Variants in SYNJ2 observed in about 807,000 individuals in gnomAD.
SYNJ2 encodes the protein polyphosphatidylinositol phosphatase SYNJ2.
A neutral mutation model predicts 141.3 loss-of-function variants in SYNJ2; 116 were observed. The ratio of observed to expected loss-of-function variants is 0.82; its 90% CI spans 0.71 to 0.96. The LOEUF is 0.96. Ranked by LOEUF, SYNJ2 falls within the 40% of genes least tolerant of loss-of-function variation. SYNJ2 has a pLI of 0.00. For missense variants in SYNJ2, 1,873 were observed against 1,934.8 expected, an observed-to-expected ratio of 0.97 and a Z score of 0.60; for synonymous variants, 745 against 777.7, an observed-to-expected ratio of 0.96 and a Z score of 0.70.
At position 158,083,485 on chromosome 6, in the gene SYNJ2, G is replaced by A; in HGVS notation, c.2922G>A (p.Leu974=). 1 of 1,614,200 alleles carries A rather than the reference G, an allele frequency of 6.2e-7. No homozygotes were observed. Among genetic ancestry groups the A allele is most frequent in the South Asian group, 1.1e-5 (1 of 91,076 alleles). Residue 974 remains leucine (L), a synonymous_variant, in exon 21 of 27, where the codon TTG becomes TTA. Coordinates refer to ENST00000355585, the MANE Select transcript of SYNJ2 (RefSeq NM_003898.4). The part of the protein sequence containing the change: ...RPKTKDWLKG[L]REEIIRKRDS... The stretch of plus-strand genomic sequence containing the variant: ...AGACCAAGGACTGGCTGAAAGGTTT[G>A]CGAGAGGAGATCATTCGGAAACGAG...
In SYNJ2 at chr6:158,071,666, G is replaced by A. The variant is rs1344730316; in HGVS notation, c.2005G>A (p.Gly669Ser). The A allele has an allele frequency of 9.9e-6, 16 of 1,614,006 alleles. No individual in the cohort carries two copies. Among genetic ancestry groups the A allele is most frequent in the South Asian group, 4.4e-5 (4 of 91,092 alleles). Residue 669 changes from glycine to serine, a missense_variant, in exon 15 of 27, where the codon GGC becomes AGC. Coordinates refer to ENST00000355585, the MANE Select transcript of SYNJ2 (RefSeq NM_003898.4). This position sits in a 1 kb window ranked among gnomAD's most constrained non-coding sequence, Gnocchi z 4.3. Reference sequence around the variant, plus strand: ...CAAGGCGGGGAACAAGGGCGCCGTCGGCATCCGCTTCCAGTTCCACAGCAC... The same window carrying A: ...CAAGGCGGGGAACAAGGGCGCCGTCAGCATCCGCTTCCAGTTCCACAGCAC... ...GGKAGNKGAV[G>S]IRFQFHSTSF...
At chr6:158,004,139 C>G (rs1777962027) in intron 1 of SYNJ2, among the ~76,000 whole-genome samples, 1 of 152,162 alleles carries the variant, frequency 6.6e-6, no homozygotes, top group African/African-American at 2.4e-5. Context: ...CCCTTGACCC[C>G]ACACGCCATT....
At position 158,076,623 on chromosome 6, in the gene SYNJ2, T is replaced by C. The variant is rs186036801; in HGVS notation, c.2293-3T>C. 1.2e-6 allele frequency: 2 copies of C among 1,610,802 alleles called. No homozygotes were observed. Among genetic ancestry groups the C allele is most frequent in the South Asian group, 1.1e-5 (1 of 90,922 alleles). On this transcript the variant is annotated splice_region_variant and splice_polypyrimidine_tract_variant and intron_variant, in intron 16 of 26. Transcript: ENST00000355585. The stretch of plus-strand genomic sequence containing the variant: ...GCCTGATGACTTCTTTTTCTCCCAA[T>C]AGATTTTTAAGGACTTTCACGAAGG...
intron 1 of SYNJ2, among the ~76,000 whole-genome samples, chr6:158,008,323 A>G (rs1252182757): frequency 8.5e-5 from 13 of 152,234 alleles, no homozygotes; most frequent in Admixed American, 8.5e-4. Context: ...TCTTACTGAA[A>G]TATTTACAGA....
intron 1 of SYNJ2, among the ~76,000 whole-genome samples, chr6:158,007,402 G>A (rs1041602142): frequency 2.6e-5 from 4 of 152,194 alleles, no homozygotes; most frequent in Non-Finnish European, 5.9e-5. Flanking sequence ...CGGCATGTCT[G>A]GTCCCAGCAG....
At chr6:158,049,512 C>G (rs553351724) in intron 5 of SYNJ2, among the ~76,000 whole-genome samples, 3 of 152,192 alleles carry the variant, frequency 2.0e-5, no homozygotes, top group Non-Finnish European at 2.9e-5. Flanking sequence ...CACTTTTGCC[C>G]AAGGCCTCAC....
chr6:158,032,821 G>A (rs1488237151), intron 3 of SYNJ2, among the ~76,000 whole-genome samples: 1 of 152,164 alleles, frequency 6.6e-6, no homozygotes, highest in Non-Finnish European at 1.5e-5. Flanking sequence ...TTATCATCAT[G>A]GACTCTAGAG....
rs141160611 is a variant in SYNJ2, at chr6:158,063,872, G to T, written c.1209G>T (p.Glu403Asp). ...CTGTGCAGAGCTTCATCGCGCTCGA[G>T]GTGCGTCCCTGCCACAGCCTTTTCG... ...TNTVQSFIALEVLHLQLKTLG... is the reference protein window; with the variant it reads ...TNTVQSFIALDVLHLQLKTLG... Residue 403 changes from glutamate to aspartate, a missense_variant and splice_region_variant, in exon 9 of 27, where the codon GAG becomes GAT. Coordinates refer to ENST00000355585, the MANE Select transcript of SYNJ2 (RefSeq NM_003898.4). The T allele has an allele frequency of 1.9e-6, 3 of 1,613,376 alleles. No individual in the cohort carries two copies. The East Asian group carries it at 6.7e-5, about 36-fold the overall frequency.
intron 8 of SYNJ2, among the ~76,000 whole-genome samples, chr6:158,063,560 G>C (rs1262237523): frequency 6.8e-6 from 1 of 148,142 alleles, no homozygotes; most frequent in Non-Finnish European, 1.5e-5. Flanking sequence ...TTGGAAGGCT[G>C]AGACAGGAGA....
intron 1 of SYNJ2, among the ~76,000 whole-genome samples, chr6:158,004,808 G>A (rs769823043): frequency 5.3e-5 from 8 of 152,062 alleles, no homozygotes; most frequent in South Asian, 2.1e-4. Context: ...CCCTCGTTTC[G>A]GCAGTTGCAT....
intron 1 of SYNJ2, among the ~76,000 whole-genome samples, chr6:158,012,519 A>C (rs2128325510): frequency 6.6e-6 from 1 of 152,338 alleles, no homozygotes; most frequent in South Asian, 2.1e-4. Flanking sequence ...TGGGAGCTGC[A>C]AGAGACAAGG....
At chr6:158,017,513 C>G in intron 2 of SYNJ2, 1 of 571,430 alleles carries the variant, frequency 1.7e-6, no homozygotes, top group South Asian at 2.1e-5. Context: ...CTCCTGGGTT[C>G]AAGCAATTCT....
chr6:158,087,188 G>A (rs1007492019), intron 23 of SYNJ2, among the ~76,000 whole-genome samples, 199 bp downstream of exon 23: 18 of 152,196 alleles, frequency 1.2e-4, no homozygotes, highest in Admixed American at 5.9e-4. Context: ...CATGGCAAAT[G>A]AAACAGCTCC....
At chr6:158,085,680 T>G (rs2128393986) in intron 22 of SYNJ2, among the ~76,000 whole-genome samples, 1 of 152,322 alleles carries the variant, frequency 6.6e-6, no homozygotes. Flanking sequence ...TCAGGAGCTT[T>G]TAAACTTATG....
rs564641688 is a variant in SYNJ2 at position 158,040,991 on chromosome 6, G to T, written c.712-2325G>T. Among the ~76,000 whole-genome samples the T allele has an allele frequency of 6.6e-5, 10 of 152,302 alleles. No homozygotes were observed. In the East Asian group the frequency reaches 1.7e-3, roughly 26 times the overall value. On this transcript the variant is annotated intron_variant, in intron 4 of 26. Coordinates refer to ENST00000355585, the MANE Select transcript of SYNJ2 (RefSeq NM_003898.4). The surrounding 1 kb of genome is among the most constrained non-coding windows in gnomAD (Gnocchi z 4.2). ...CTCTCTCCGACGCCAGCAGGTGCCC[G>T]CATGCATAGTCATAGCGTCAGGGCC...
intron 12 of SYNJ2, 132 bp from the exon 13 acceptor site, chr6:158,068,515 A>G (rs1781705823): frequency 1.1e-6 from 1 of 944,562 alleles, no homozygotes; most frequent in Non-Finnish European, 1.6e-6. Context: ...TCCCAGCAGC[A>G]ATGGTAGCCA....
chr6:158,086,772 T>C, intron 22 of SYNJ2, 83 bp from the exon 23 acceptor site: 1 of 1,261,888 alleles, frequency 7.9e-7, no homozygotes, highest in Non-Finnish European at 1.0e-6. Flanking sequence ...CCTGCCACAG[T>C]CGGCCTCCTG....
At chr6:158,085,176 T>A (rs1337026837) in intron 22 of SYNJ2, among the ~76,000 whole-genome samples, 1 of 151,982 alleles carries the variant, frequency 6.6e-6, no homozygotes, top group African/African-American at 2.4e-5. Flanking sequence ...TGCACCAGCA[T>A]GCCCAGATAA....
intron 5 of SYNJ2, among the ~76,000 whole-genome samples, chr6:158,052,366 A>G (rs1334526430): frequency 6.6e-6 from 1 of 152,260 alleles, no homozygotes; most frequent in African/African-American, 2.4e-5. Context: ...AGTAGGTTGC[A>G]TATATCACAT....
Sources: allele counts gnomAD v4.1 joint callset (sites outside exome capture counted in the v4.1 genomes callset), GRCh38; gene constraint gnomAD v4.1.1; non-coding constraint Gnocchi (gnomAD v3.1); transcripts MANE v1.5; gene names NCBI Gene and HGNC (gene_info 2026-07-23, HGNC 2026-07-21).